Variants in CYFIP2 observed in about 807,000 individuals in gnomAD.
CYFIP2 encodes cytoplasmic FMR1-interacting protein 2.
Under a neutral mutation model 158.7 loss-of-function variants are expected in CYFIP2, and 29 were observed. That is an observed-to-expected ratio of 0.18 (90% CI 0.14 to 0.25). The LOEUF (loss-of-function observed/expected upper bound fraction) is 0.25. Ranked by LOEUF, CYFIP2 falls within the 10% of genes least tolerant of loss-of-function variation. CYFIP2 has a pLI of 1.00. For synonymous variants in CYFIP2, 585 were observed against 617.6 expected (o/e 0.95, Z 0.78); for missense variants, 852 against 1,639.5 (o/e 0.52, Z 8.29).
At position 157,390,614 on chromosome 5, in the gene CYFIP2, C is replaced by T. The variant is rs1256727699; in HGVS notation, c.3540C>T (p.Tyr1180=). Residue 1180 remains tyrosine, a synonymous_variant, in exon 30 of 31, where the codon TAC becomes TAT. Transcript: ENST00000620254. The part of the protein sequence containing the change: ...QRRFDLFDFC[Y]HLLKVQRQDG... ...GCTTTGACCTGTTCGACTTCTGTTA[C>T]CACCTGCTAAAAGTGCAGAGGCAGG... 11 of 1,575,602 alleles carry T rather than the reference C, an allele frequency of 7.0e-6. No homozygotes were observed. In the Admixed American group the frequency reaches 2.1e-4, roughly 29 times the overall value.
intron 26 of CYFIP2, among the ~76,000 whole-genome samples, chr5:157,367,370 C>G (rs1395863385): frequency 6.6e-6 from 1 of 152,158 alleles, no homozygotes; most frequent in Non-Finnish European, 1.5e-5. Context: ...AGGGTAAAAC[C>G]TCCCCCTGTT....
chr5:157,269,680 C>G (rs1335286193), intron 1 of CYFIP2: 1 of 152,192 alleles, frequency 6.6e-6, no homozygotes, highest in Admixed American at 6.5e-5. Flanking sequence ...GCCCTCCATT[C>G]CTTAAGAAAC....
At chr5:157,371,918 GTTATCATATAGTGGGAATAA>G (rs149026078) in intron 26 of CYFIP2, among the ~76,000 whole-genome samples, 99,292 of 151,254 alleles carry the variant, frequency 0.66, 33,641 homozygotes, top group African/African-American at 0.74. Flanking sequence ...TTCTCTTGTA[GTTATCATATAGTGGGAATAA>G]TAAACATTAG....
chr5:157,382,525 G>A (rs1238218500), intron 26 of CYFIP2, 65 bp from the exon 27 acceptor site: 1 of 1,565,912 alleles, frequency 6.4e-7, no homozygotes, highest in Non-Finnish European at 8.8e-7. Context: ...AGGTTTTTAG[G>A]AATGAAAAAT....
intron 3 of CYFIP2, among the ~76,000 whole-genome samples, chr5:157,292,445 C>T (rs556332515): frequency 6.6e-6 from 1 of 152,252 alleles, no homozygotes; most frequent in Admixed American, 6.5e-5. Flanking sequence ...CCTCGAACTC[C>T]CGACCTCAGG....
At chr5:157,360,173 C>T (rs890089885) in intron 24 of CYFIP2, 109 bp from the exon 25 acceptor site, 7 of 852,826 alleles carry the variant, frequency 8.2e-6, no homozygotes, top group African/African-American at 6.8e-5. Context: ...GGGACTGTTC[C>T]CCGCCTTTAG....
Position 157,339,200 on chromosome 5 carries a change from C to T in CYFIP2, c.2529C>T (p.Phe843=). The change falls in exon 22 of 31, where the codon TTC becomes TTT. Residue 843 remains phenylalanine, a synonymous_variant. Transcript: ENST00000620254. The stretch of plus-strand genomic sequence containing the variant: ...ATGGCCGTATCACCCTGCATGTCTT[C>T]TGGGAACTGAACTTTGACTTTCTCC... ...APYGRITLHV[F]WELNFDFLPN... The T allele has an allele frequency of 6.2e-7, 1 of 1,614,068 alleles. No individual in the cohort carries two copies. The highest frequency in any genetic ancestry group is 8.5e-7 in the Non-Finnish European group (1 of 1,179,926).
At chr5:157,385,560 C>T (rs1113465) in intron 28 of CYFIP2, among the ~76,000 whole-genome samples, 6,426 of 152,230 alleles carry the variant, frequency 0.042, 163 homozygotes, top group South Asian at 0.11. Context: ...TTGCCCCACA[C>T]TATCACCAAG....
intron 8 of CYFIP2, 192 bp downstream of exon 8, chr5:157,304,558 T>A: frequency 1.8e-6 from 1 of 548,686 alleles, no homozygotes; most frequent in Non-Finnish European, 3.1e-6. Context: ...CAGATGTCAT[T>A]AAGGCTATTT....
At chr5:157,304,455 T>TAAGAAAAAAGAAA in intron 8 of CYFIP2, 89 bp downstream of exon 8, 1 of 1,451,384 alleles carries the variant, frequency 6.9e-7, no homozygotes, top group African/African-American at 1.4e-5. Context: ...AAACAATGTT[T>TAAGAAAAAAGAAA]CTTTTTTCTT....
At chr5:157,287,430 G>T (rs1477173273) in intron 3 of CYFIP2, among the ~76,000 whole-genome samples, 8 of 152,188 alleles carry the variant, frequency 5.3e-5, no homozygotes, top group Admixed American at 6.5e-5. Flanking sequence ...ATAGGTTAAT[G>T]AATGTGTGGA....
At chr5:157,296,449 C>T (rs1487692660) in intron 4 of CYFIP2, 7 of 518,168 alleles carry the variant, frequency 1.4e-5, no homozygotes, top group Non-Finnish European at 2.2e-5. Flanking sequence ...CAAAAATTAG[C>T]TGGATATAGT....
In CYFIP2 at chr5:157,319,913, A is replaced by G. The variant is rs748790899; in HGVS notation, c.1508A>G (p.Lys503Arg). ...EPLRQAVRKK[K>R]NVLISVLQAI... The stretch of plus-strand genomic sequence containing the variant: ...CTGCGGCAGGCGGTACGGAAGAAGA[A>G]GAATGTCCTCATCAGGTGGGTTTTC... Residue 503 changes from lysine to arginine, a missense_variant, in exon 14 of 31, where the codon AAG (lysine) becomes AGG (arginine). Physicochemically the swap from Lys to Arg is conservative, Grantham distance 26 (BLOSUM62 2). Around this residue, in one of 8 missense-constraint regions of CYFIP2, gnomAD observed 167 missense variants for 343.3 expected, o/e 0.49. Coordinates refer to ENST00000620254, the MANE Select transcript of CYFIP2 (RefSeq NM_001037333.3). 1.6e-5 allele frequency: 26 copies of G among 1,613,930 alleles called. No homozygotes were observed. The highest frequency in any genetic ancestry group is 2.7e-5 in the African/African-American group (2 of 74,956).
chr5:157,390,224 C>T (rs1389693660), intron 29 of CYFIP2, among the ~76,000 whole-genome samples: 2 of 152,092 alleles, frequency 1.3e-5, no homozygotes, highest in Non-Finnish European at 2.9e-5. Flanking sequence ...TACATCTCAA[C>T]AGCTGGGTGG....
chr5:157,273,381 C>T (rs996575764), intron 1 of CYFIP2, among the ~76,000 whole-genome samples: 2 of 152,150 alleles, frequency 1.3e-5, no homozygotes, highest in Non-Finnish European at 1.5e-5. Context: ...CCTATCACCC[C>T]ACCCACCTCA....
At chr5:157,296,430 C>T in intron 4 of CYFIP2, 1 of 481,552 alleles carries the variant, frequency 2.1e-6, no homozygotes, top group Non-Finnish European at 4.1e-6. Flanking sequence ...ACCATCCCTA[C>T]ACCAACTACA....
At chr5:157,343,423 G>A in intron 23 of CYFIP2, 2 of 1,614,182 alleles carry the variant, frequency 1.2e-6, no homozygotes, top group Non-Finnish European at 8.5e-7. Flanking sequence ...CAGAGAAGAT[G>A]CTGTTCCAGT....
intron 5 of CYFIP2, among the ~76,000 whole-genome samples, chr5:157,297,061 G>A (rs1426224723): frequency 2.0e-5 from 3 of 152,182 alleles, no homozygotes; most frequent in African/African-American, 7.2e-5. Flanking sequence ...ATAACATTTT[G>A]AAAAATTCTG....
intron 1 of CYFIP2, among the ~76,000 whole-genome samples, chr5:157,274,558 C>T (rs901832043): frequency 8.5e-5 from 13 of 152,116 alleles, no homozygotes; most frequent in African/African-American, 3.1e-4. Context: ...TTGTGTGGAC[C>T]TGTATTTTCA....
Sources: allele counts gnomAD v4.1 joint callset (sites outside exome capture counted in the v4.1 genomes callset), GRCh38; gene constraint gnomAD v4.1.1; regional missense constraint gnomAD v4.1.1; transcripts MANE v1.5; gene names NCBI Gene and HGNC (gene_info 2026-07-23, HGNC 2026-07-21).